Variants in CPNE8 observed in about 807,000 individuals in gnomAD.
The protein encoded by CPNE8 is copine-8.
In CPNE8, 45 loss-of-function variants were observed where a neutral mutation model predicts 81.5. The ratio of observed to expected loss-of-function variants is 0.55; its 90% CI spans 0.44 to 0.71. CPNE8 has a LOEUF of 0.71. CPNE8 is among the 30% of genes least tolerant of loss of function. The probability of loss-of-function intolerance (pLI) is 0.00; values close to 1 mark genes in which losing one functional copy is unlikely to be tolerated. For missense variants in CPNE8, 594 were observed against 672.1 expected (o/e 0.88, Z 1.28); for synonymous variants, 252 against 226.3 (o/e 1.11, Z -1.02).
At chr12:38,797,412 C>G (rs951672788) in intron 6 of CPNE8, among the ~76,000 whole-genome samples, 63 of 152,168 alleles carry the variant, frequency 4.1e-4, no homozygotes, top group Admixed American at 3.9e-4. Flanking sequence ...CTTCTGCAGA[C>G]ACGGCTGCGG....
intron 7 of CPNE8, among the ~76,000 whole-genome samples, chr12:38,768,996 A>T (rs1941746775): frequency 6.6e-6 from 1 of 152,226 alleles, no homozygotes; most frequent in Non-Finnish European, 1.5e-5. Flanking sequence ...TACTAAGTAT[A>T]CACCTAAACT....
chr12:38,693,112 T>A (rs1447266511), intron 15 of CPNE8, among the ~76,000 whole-genome samples: 2 of 152,070 alleles, frequency 1.3e-5, no homozygotes, highest in African/African-American at 4.8e-5. Context: ...GCCCAAGACA[T>A]GAATGAACAT....
rs11833328 is a variant in CPNE8 at position 38,873,071 on chromosome 12, C to T, written c.140-21G>A. 6.2e-3 allele frequency: 8,965 copies of T among 1,439,240 alleles called. 412 individuals are homozygous for T. The African/African-American group carries it at 0.11, about 17-fold the overall frequency. 89.2% of individuals were successfully genotyped at this position (1,439,240 alleles called of 1,614,324 possible). ...ACAAACTACAAAAGATGAAAAAATACGCACATATAAATGTCTTTTATGAAA... is the reference window on the plus strand; with the variant it reads ...ACAAACTACAAAAGATGAAAAAATATGCACATATAAATGTCTTTTATGAAA... On this transcript the variant is annotated intron_variant, in intron 2 of 19. Coordinates refer to ENST00000331366, the MANE Select transcript of CPNE8 (RefSeq NM_153634.3).
chr12:38,836,600 T>TA (rs2137035670), intron 5 of CPNE8, among the ~76,000 whole-genome samples: 1 of 152,238 alleles, frequency 6.6e-6, no homozygotes, highest in East Asian at 1.9e-4. Context: ...ATCCCTTTTA[T>TA]AAAAAAATAA....
intron 6 of CPNE8, among the ~76,000 whole-genome samples, chr12:38,813,579 T>C (rs1942972767): frequency 6.6e-6 from 1 of 152,218 alleles, no homozygotes; most frequent in Admixed American, 6.5e-5. Flanking sequence ...AGAAATATAA[T>C]TGTTATAAGA....
chr12:38,786,048 A>C (rs574039101), intron 6 of CPNE8, among the ~76,000 whole-genome samples: 1 of 152,322 alleles, frequency 6.6e-6, no homozygotes, highest in South Asian at 2.1e-4. Context: ...GACAGGTGAA[A>C]GTCCTTACTT....
At chr12:38,707,291 G>A (rs1940132502) in intron 13 of CPNE8, among the ~76,000 whole-genome samples, 2 of 152,138 alleles carry the variant, frequency 1.3e-5, no homozygotes, top group African/African-American at 4.8e-5. Context: ...TCCAGCTTGT[G>A]CGACAGAGTG....
intron 6 of CPNE8, among the ~76,000 whole-genome samples, chr12:38,787,635 A>G (rs1049707511): frequency 2.6e-5 from 4 of 151,904 alleles, no homozygotes; most frequent in Non-Finnish European, 4.4e-5. Context: ...AAATTACAAA[A>G]ATACAAAAGC....
At chr12:38,797,555 C>A (rs941596559) in intron 6 of CPNE8, among the ~76,000 whole-genome samples, 1 of 152,078 alleles carries the variant, frequency 6.6e-6, no homozygotes, top group Non-Finnish European at 1.5e-5. Flanking sequence ...CTGTACATCA[C>A]CATCATCAAA....
At chr12:38,803,652 G>C (rs569096582) in intron 6 of CPNE8, among the ~76,000 whole-genome samples, 2 of 148,452 alleles carry the variant, frequency 1.3e-5, no homozygotes, top group East Asian at 2.0e-4. Context: ...TGGAAGTTCT[G>C]GCCAGGGCAA....
intron 10 of CPNE8, among the ~76,000 whole-genome samples, chr12:38,745,378 C>T (rs375943119): frequency 1.3e-5 from 2 of 152,172 alleles, no homozygotes; most frequent in African/African-American, 4.8e-5. Flanking sequence ...CCATGCTTTG[C>T]CTGGTATTTT....
chr12:38,902,328 GAAAGAA>G (rs1304806677), intron 1 of CPNE8, among the ~76,000 whole-genome samples: 2 of 59,168 alleles, frequency 3.4e-5, no homozygotes, highest in Admixed American at 1.8e-4. Context: ...AAGAAAGAAA[GAAAGAA>G]AGAAAGAAAG....
chr12:38,779,576 GTA>G, intron 6 of CPNE8, among the ~76,000 whole-genome samples: 1 of 152,224 alleles, frequency 6.6e-6, no homozygotes, highest in Non-Finnish European at 1.5e-5. Flanking sequence ...CATCACTTGA[GTA>G]GTTACCAAAA....
intron 1 of CPNE8, among the ~76,000 whole-genome samples, chr12:38,897,111 GAT>G (rs1477131130): frequency 6.6e-6 from 1 of 152,048 alleles, no homozygotes; most frequent in African/African-American, 2.4e-5. Context: ...ATAAAAATGA[GAT>G]TTAAAGACAT....
intron 8 of CPNE8, among the ~76,000 whole-genome samples, chr12:38,763,774 C>G (rs1941620073): frequency 6.6e-6 from 1 of 152,160 alleles, no homozygotes; most frequent in Non-Finnish European, 1.5e-5. Context: ...AAAACTTCAT[C>G]AAGACCTTAG....
At position 38,868,618 on chromosome 12, in the gene CPNE8, C is replaced by T. The variant is rs546307245; in HGVS notation, c.186+4386G>A. 2.6e-5 allele frequency among the ~76,000 whole-genome samples: 4 copies of T among 152,252 alleles called. 1 individual carries two copies. The South Asian group carries it at 8.3e-4, about 32-fold the overall frequency. ...TTCCAGTAACAGTAAATGCGCTATACTTTCAGGATACAGCTCTGAAAAACC... is the reference window on the plus strand; with the variant it reads ...TTCCAGTAACAGTAAATGCGCTATATTTTCAGGATACAGCTCTGAAAAACC... On this transcript the variant is annotated intron_variant, in intron 3 of 19. Coordinates refer to ENST00000331366, the MANE Select transcript of CPNE8 (RefSeq NM_153634.3).
chr12:38,693,543 A>G, intron 15 of CPNE8, 114 bp downstream of exon 15: 2 of 854,374 alleles, frequency 2.3e-6, no homozygotes, highest in South Asian at 2.0e-5. Context: ...ACCAAAATTA[A>G]GCTACAGTCA....
At chr12:38,792,012 A>T (rs1388982473) in intron 6 of CPNE8, among the ~76,000 whole-genome samples, 1 of 101,208 alleles carries the variant, frequency 9.9e-6, no homozygotes, top group Non-Finnish European at 1.9e-5. Flanking sequence ...AGGAGAAATT[A>T]AAAAAAAAAA....
intron 10 of CPNE8, among the ~76,000 whole-genome samples, chr12:38,742,424 T>C (rs1941128725): frequency 6.6e-6 from 1 of 150,724 alleles, no homozygotes; most frequent in Non-Finnish European, 1.5e-5. Context: ...CAAACTATCG[T>C]AAGGACAAAA....
Sources: gnomAD v4.1 joint callset for allele counts (sites outside exome capture counted in the v4.1 genomes callset) on GRCh38, gnomAD v4.1.1 for gene constraint, MANE v1.5 for transcripts, NCBI Gene and HGNC (gene_info 2026-07-23, HGNC 2026-07-21) for gene names.